The following BRAF variants were observed in gnomAD, a reference collection of about 807,000 sequenced individuals.
The protein encoded by BRAF is serine/threonine-protein kinase B-raf.
BRAF carries 16 observed loss-of-function variants against 104.6 expected under a neutral mutation model. The ratio of observed to expected loss-of-function variants is 0.15; its 90% CI spans 0.10 to 0.23. BRAF has a LOEUF of 0.23. Ranked by LOEUF, BRAF falls within the 10% of genes least tolerant of loss-of-function variation. The probability of loss-of-function intolerance (pLI) is 1.00; values close to 1 mark genes in which losing one functional copy is unlikely to be tolerated. For synonymous variants in BRAF, 310 were observed against 341.6 expected, an observed-to-expected ratio of 0.91 and a Z score of 1.02; for missense variants, 541 against 937.3, an observed-to-expected ratio of 0.58 and a Z score of 5.52.
Position 140,834,446 on chromosome 7 carries a change from G to A in BRAF, c.504+163C>T. On this transcript the variant is annotated intron_variant, in intron 3 of 19. Coordinates refer to ENST00000644969, the MANE Select transcript of BRAF (RefSeq NM_001374258.1). ...CCATTTATTTCAGTTAAGGAATATAGACTTTGCCACCAAATAATTACATAT... is the reference window on the plus strand; with the variant it reads ...CCATTTATTTCAGTTAAGGAATATAAACTTTGCCACCAAATAATTACATAT... The A allele has an allele frequency of 5.0e-6, 5 of 995,500 alleles. No homozygotes were observed. In the South Asian group the frequency reaches 7.9e-5, roughly 16 times the overall value. 61.7% of individuals were successfully genotyped at this position (995,500 alleles called of 1,614,324 possible).
At chr7:140,826,154 T>A (rs1277523009) in intron 3 of BRAF, among the ~76,000 whole-genome samples, 3 of 152,192 alleles carry the variant, frequency 2.0e-5, no homozygotes, top group Admixed American at 1.3e-4. Context: ...CTGAGTTTTT[T>A]AAATAAATAT....
intron 2 of BRAF, among the ~76,000 whole-genome samples, chr7:140,847,357 C>G (rs1345213538): frequency 6.6e-6 from 1 of 151,922 alleles, no homozygotes; most frequent in East Asian, 1.9e-4. Flanking sequence ...CCAAGGGGGG[C>G]AGATCACCTG....
At chr7:140,764,655 C>T (rs1799125868) in intron 14 of BRAF, among the ~76,000 whole-genome samples, 1 of 152,164 alleles carries the variant, frequency 6.6e-6, no homozygotes, top group South Asian at 2.1e-4. Flanking sequence ...ACACCAATAA[C>T]AGACAAACAG....
intron 14 of BRAF, among the ~76,000 whole-genome samples, chr7:140,775,748 A>G (rs978460094): frequency 1.3e-5 from 2 of 152,214 alleles, no homozygotes; most frequent in African/African-American, 4.8e-5. Context: ...GTGTTACTGA[A>G]TAAGGTAATA....
At chr7:140,807,931 A>C in intron 5 of BRAF, 29 bp downstream of exon 5, 1 of 1,553,602 alleles carries the variant, frequency 6.4e-7, no homozygotes, top group African/African-American at 1.4e-5. Context: ...CATTTTTGAC[A>C]TTTCAAAAAA....
intron 14 of BRAF, among the ~76,000 whole-genome samples, chr7:140,766,206 C>T (rs1293241180): frequency 3.3e-5 from 5 of 151,764 alleles, no homozygotes; most frequent in African/African-American, 4.9e-5. Flanking sequence ...AACCAAACAC[C>T]GCATGTTCTC....
At chr7:140,870,833 A>G (rs1157782581) in intron 1 of BRAF, among the ~76,000 whole-genome samples, 5 of 151,894 alleles carry the variant, frequency 3.3e-5, no homozygotes, top group African/African-American at 1.2e-4. Flanking sequence ...TCTCCTAACA[A>G]AAGACATTAC....
chr7:140,739,522 G>A (rs1048068400), intron 18 of BRAF, among the ~76,000 whole-genome samples: 2 of 104,676 alleles, frequency 1.9e-5, no homozygotes, highest in Non-Finnish European at 3.6e-5. Context: ...CTCTTTGTGG[G>A]GGGGGGGGTC....
chr7:140,714,364 G>A (rs1222722295), downstream of BRAF, among the ~76,000 whole-genome samples: 4 of 152,146 alleles, frequency 2.6e-5, no homozygotes, highest in Non-Finnish European at 1.5e-5. Context: ...CCACAGATCT[G>A]TATCTATGTA....
chr7:140,909,838 ACAACAAC>A (rs1816773150), intron 1 of BRAF, among the ~76,000 whole-genome samples: 3 of 148,876 alleles, frequency 2.0e-5, no homozygotes, highest in Admixed American at 6.6e-5. Context: ...AACAACAACA[ACAACAAC>A]AAAAAAGTGC....
chr7:140,776,778 G>T (rs1586121318), intron 14 of BRAF, 134 bp downstream of exon 13: 1 of 825,300 alleles, frequency 1.2e-6, no homozygotes, highest in Non-Finnish European at 2.0e-6. Flanking sequence ...TTATTTACCA[G>T]CCATTAGTTA....
At chr7:140,835,572 A>G (rs1807233912) in intron 2 of BRAF, 1 of 152,076 alleles carries the variant, frequency 6.6e-6, no homozygotes, top group Non-Finnish European at 1.5e-5. Context: ...GCCTTGTGAA[A>G]AAAGAAAAAA....
chr7:140,901,629 C>A (rs1287749842), intron 1 of BRAF, among the ~76,000 whole-genome samples: 1 of 152,202 alleles, frequency 6.6e-6, no homozygotes, highest in African/African-American at 2.4e-5. Flanking sequence ...CCAATCCACA[C>A]TCAGTACAGG....
chr7:140,769,870 C>T (rs1799674529), intron 14 of BRAF, among the ~76,000 whole-genome samples: 1 of 152,176 alleles, frequency 6.6e-6, no homozygotes, highest in Admixed American at 6.5e-5. Flanking sequence ...CCACTGCATC[C>T]AGACCAATTT....
intron 1 of BRAF, among the ~76,000 whole-genome samples, chr7:140,903,728 A>G (rs1177455835): frequency 6.6e-6 from 1 of 152,220 alleles, no homozygotes; most frequent in African/African-American, 2.4e-5. Context: ...GCCATAAAGA[A>G]CATTTGTAAT....
At chr7:140,922,716 C>G (rs1225602222) in intron 1 of BRAF, among the ~76,000 whole-genome samples, 1 of 152,088 alleles carries the variant, frequency 6.6e-6, no homozygotes, top group Admixed American at 6.6e-5. Flanking sequence ...GCAGATGTGA[C>G]CCCTAGTATT....
chr7:140,847,764 G>A (rs1808730898), intron 2 of BRAF, among the ~76,000 whole-genome samples: 2 of 152,080 alleles, frequency 1.3e-5, no homozygotes, highest in African/African-American at 4.8e-5. Context: ...TAATGAGGTG[G>A]GGTATAAGAA....
At chr7:140,890,894 C>T (rs1814144426) in intron 1 of BRAF, among the ~76,000 whole-genome samples, 1 of 152,134 alleles carries the variant, frequency 6.6e-6, no homozygotes, top group Non-Finnish European at 1.5e-5. Context: ...ATTATTAATG[C>T]AGTCTAAGCA....
At chr7:140,747,292 C>T (rs1021393943) in intron 17 of BRAF, 14 of 784,528 alleles carry the variant, frequency 1.8e-5, no homozygotes, top group African/African-American at 5.7e-5. Context: ...AAATACTTAA[C>T]TTGGTTTCAG....
Sources: gnomAD v4.1 joint callset for allele counts (sites outside exome capture counted in the v4.1 genomes callset) on GRCh38, gnomAD v4.1.1 for gene constraint, MANE v1.5 for transcripts, NCBI Gene and HGNC (gene_info 2026-07-23, HGNC 2026-07-21) for gene names.